Variants in SGCD observed in about 807,000 individuals in gnomAD.
The protein encoded by SGCD is sarcoglycan delta, also known as delta-sarcoglycan.
SGCD carries 18 observed loss-of-function variants against 36.6 expected under a neutral mutation model. The ratio of observed to expected loss-of-function variants is 0.49; its 90% CI spans 0.34 to 0.73. SGCD has a LOEUF of 0.73. Ranked by LOEUF, SGCD falls within the 30% of genes least tolerant of loss-of-function variation. The pLI is 0.01. For synonymous variants in SGCD, 133 were observed against 130.6 expected, an observed-to-expected ratio of 1.02 and a Z score of -0.12; for missense variants, 387 against 346.7, an observed-to-expected ratio of 1.12 and a Z score of -0.92.
chr5:156,418,031 C>T (rs1224747664), intron 3 of SGCD, among the ~76,000 whole-genome samples: 1 of 152,116 alleles, frequency 6.6e-6, no homozygotes, highest in African/African-American at 2.4e-5. Context: ...AAGGTATCTA[C>T]AAAGATCGTA....
intron 7 of SGCD, among the ~76,000 whole-genome samples, chr5:156,744,262 C>T (rs1361210879): frequency 6.6e-6 from 1 of 152,216 alleles, no homozygotes; most frequent in Non-Finnish European, 1.5e-5. Flanking sequence ...AGCATGGCTG[C>T]ATGAGGTTTG....
At chr5:156,130,241 T>C (rs1456540062) in intron 3 of SGCD, among the ~76,000 whole-genome samples, 1 of 152,200 alleles carries the variant, frequency 6.6e-6, no homozygotes. Flanking sequence ...CTAATGATCA[T>C]TGATATTGAG....
intron 3 of SGCD, among the ~76,000 whole-genome samples, chr5:156,355,276 C>G (rs1212123795): frequency 1.3e-5 from 2 of 152,170 alleles, no homozygotes; most frequent in Non-Finnish European, 2.9e-5. Context: ...AGGCACTTTC[C>G]AAGACCCAGA....
chr5:156,515,221 T>G (rs1757107335), intron 4 of SGCD, among the ~76,000 whole-genome samples: 2 of 138,332 alleles, frequency 1.4e-5, no homozygotes, highest in Admixed American at 1.4e-4. Context: ...ACAGTCTTTC[T>G]GAAAAAAAAT....
At chr5:156,141,416 A>G (rs1762576969) in intron 3 of SGCD, among the ~76,000 whole-genome samples, 1 of 152,254 alleles carries the variant, frequency 6.6e-6, no homozygotes. Context: ...TGACCCCTGC[A>G]TGTGAGAACT....
chr5:155,915,213 G>A (rs1460449391), intron 1 of SGCD, among the ~76,000 whole-genome samples: 4 of 152,044 alleles, frequency 2.6e-5, no homozygotes, highest in Admixed American at 2.0e-4. Context: ...ATTTTTTCCT[G>A]ACAGCCCCAA....
chr5:155,835,002 ATTT>A, the SGCD span, among the ~76,000 whole-genome samples: 157 of 60,174 alleles, frequency 2.6e-3, no homozygotes, highest in Non-Finnish European at 2.8e-3. Context: ...TGCCCAGCTA[ATTT>A]TTTTTTTTTT....
chr5:156,458,368 T>C lies in SGCD; in HGVS notation c.193-50233T>C. 6 of 1,334,014 alleles carry C rather than the reference T, an allele frequency of 4.5e-6. No individual in the cohort carries two copies. The East Asian group carries it at 7.1e-5, about 16-fold the overall frequency. The allele number at this position is 1,334,014 out of a possible 1,614,324, so 82.6% of individuals were successfully genotyped here. A position where few individuals can be genotyped will look rare whatever the true frequency, so the allele number is the denominator to read the frequency against. On this transcript the variant is annotated intron_variant, in intron 3 of 8. Coordinates refer to ENST00000337851, the MANE Select transcript of SGCD (RefSeq NM_000337.6). ...GTTTTGGGGGATTACTTTTCTGATA[T>C]GTTTGCTTTTACCAAAAAGGAAAAC...
chr5:156,145,487 G>A (rs1762688461), intron 3 of SGCD, among the ~76,000 whole-genome samples: 1 of 152,014 alleles, frequency 6.6e-6, no homozygotes, highest in Non-Finnish European at 1.5e-5. Flanking sequence ...CATAATAAGG[G>A]CATTTTAAAG....
chr5:156,673,879 G>C (rs1269521391), intron 7 of SGCD, among the ~76,000 whole-genome samples: 1 of 152,184 alleles, frequency 6.6e-6, no homozygotes. Context: ...AAGCTAATAA[G>C]TTATTCATGA....
rs139105564 is a variant in SGCD, at chr5:156,733,236, G to A, written c.576-24345G>A. On this transcript the variant is annotated intron_variant, in intron 7 of 8. Coordinates refer to ENST00000337851, the MANE Select transcript of SGCD (RefSeq NM_000337.6). ...TTAACACTTCCTTAGCTGTGTCCCC[G>A]AGATTCTGATACATTGTTCTTAATA... Among the ~76,000 whole-genome samples, 7 of 152,096 alleles carry A rather than the reference G, an allele frequency of 4.6e-5. No individual in the cohort carries two copies. The South Asian group carries it at 1.0e-3, about 23-fold the overall frequency.
chr5:155,968,166 A>G (rs936447621), intron 1 of SGCD, among the ~76,000 whole-genome samples: 1 of 152,070 alleles, frequency 6.6e-6, no homozygotes, highest in African/African-American at 2.4e-5. Context: ...GTTGATCAAA[A>G]TGTGTGTTTT....
At chr5:155,859,454 A>G in the SGCD span, among the ~76,000 whole-genome samples, 8 of 152,294 alleles carry the variant, frequency 5.3e-5, no homozygotes, top group African/African-American at 1.9e-4. Flanking sequence ...ATAAATATAT[A>G]GAATCCTGTA....
At chr5:156,247,273 G>A (rs1297852996) in intron 3 of SGCD, among the ~76,000 whole-genome samples, 1 of 152,138 alleles carries the variant, frequency 6.6e-6, no homozygotes, top group African/African-American at 2.4e-5. Flanking sequence ...TCTTGAGAAA[G>A]CTTCCCGTTT....
intron 1 of SGCD, among the ~76,000 whole-genome samples, chr5:155,877,857 A>G (rs1318317024): frequency 1.3e-5 from 2 of 152,118 alleles, no homozygotes; most frequent in Non-Finnish European, 2.9e-5. Context: ...AATATGCATT[A>G]TGACTATAGG....
intron 4 of SGCD, among the ~76,000 whole-genome samples, chr5:156,587,949 C>T (rs1760562220): frequency 6.6e-6 from 1 of 150,928 alleles, no homozygotes; most frequent in Non-Finnish European, 1.5e-5. Context: ...CTTTGCCTGT[C>T]TTCTGCTTGC....
intron 7 of SGCD, among the ~76,000 whole-genome samples, chr5:156,679,770 GCTTTTCTTCTCCA>G (rs1476023076): frequency 5.3e-5 from 8 of 152,140 alleles, no homozygotes; most frequent in Admixed American, 5.2e-4. Flanking sequence ...CTTCTTTCTT[GCTTTTCTTCTCCA>G]CTTTTCTTCT....
intron 6 of SGCD, among the ~76,000 whole-genome samples, chr5:156,610,881 A>G (rs1761769051): frequency 6.6e-6 from 1 of 152,154 alleles, no homozygotes. Context: ...GTTTGCTAAG[A>G]CCGTTGGGAA....
chr5:156,332,218 G>A (rs949648104), intron 2 of SGCD, among the ~76,000 whole-genome samples: 3 of 152,164 alleles, frequency 2.0e-5, no homozygotes, highest in African/African-American at 7.2e-5. Context: ...GTCATAAACC[G>A]GCAACCCAAA....
Sources: allele counts gnomAD v4.1 joint callset (sites outside exome capture counted in the v4.1 genomes callset), GRCh38; gene constraint gnomAD v4.1.1; transcripts MANE v1.5; gene names NCBI Gene and HGNC (gene_info 2026-07-23, HGNC 2026-07-21).